Variants in IGSF21 observed in about 807,000 individuals in gnomAD.
IGSF21 encodes immunoglobulin superfamily member 21.
A neutral mutation model predicts 46.8 loss-of-function variants in IGSF21; 28 were observed. The observed-to-expected ratio is 0.60, with a 90% confidence interval of 0.44 to 0.82. The LOEUF (loss-of-function observed/expected upper bound fraction) is 0.82, where lower values mean the gene tolerates loss of function less well. IGSF21 is among the 40% of genes least tolerant of loss of function. The pLI is 0.00. For synonymous variants in IGSF21, 284 were observed against 273.6 expected, an observed-to-expected ratio of 1.04 and a Z score of -0.38; for missense variants, 624 against 665.5, an observed-to-expected ratio of 0.94 and a Z score of 0.69.
chr1:18,298,720 A>G (rs556971082), intron 3 of IGSF21, among the ~76,000 whole-genome samples: 13 of 152,236 alleles, frequency 8.5e-5, no homozygotes, highest in African/African-American at 3.1e-4. Context: ...ATCGGTTCAC[A>G]TGTACACTCA....
intron 1 of IGSF21, among the ~76,000 whole-genome samples, chr1:18,136,811 G>A (rs1231309189): frequency 6.6e-6 from 1 of 152,194 alleles, no homozygotes. Flanking sequence ...TTGGTAGCTT[G>A]ATGGGGATGG....
intron 5 of IGSF21, among the ~76,000 whole-genome samples, chr1:18,364,161 A>G (rs2086134052): frequency 6.6e-6 from 1 of 152,120 alleles, no homozygotes; most frequent in South Asian, 2.1e-4. Context: ...ATGCAAAAGA[A>G]CCTCATCTCC....
chr1:18,367,488 C>T (rs988176490), intron 6 of IGSF21, among the ~76,000 whole-genome samples: 3 of 151,980 alleles, frequency 2.0e-5, no homozygotes, highest in African/African-American at 4.8e-5. Flanking sequence ...CTTCTTCACT[C>T]ACTACCATGC....
chr1:18,132,837 C>T (rs2124418034), intron 1 of IGSF21, among the ~76,000 whole-genome samples: 1 of 150,460 alleles, frequency 6.6e-6, no homozygotes, highest in African/African-American at 2.4e-5. Flanking sequence ...GGCAAGCCTC[C>T]TAGCATCTCC....
intron 4 of IGSF21, among the ~76,000 whole-genome samples, chr1:18,359,930 G>A (rs537671001): frequency 2.6e-5 from 4 of 152,330 alleles, no homozygotes; most frequent in African/African-American, 9.6e-5. Context: ...TCTGGAGTCA[G>A]ACTGCCTGAG....
At chr1:18,204,315 A>AGACTTCAGAGCCTGTGCTCGC (rs1460598617) in intron 1 of IGSF21, among the ~76,000 whole-genome samples, 1 of 152,248 alleles carries the variant, frequency 6.6e-6, no homozygotes, top group Non-Finnish European at 1.5e-5. Flanking sequence ...ACAGGGACTC[A>AGACTTCAGAGCCTGTGCTCGC]GACTTCAGAG....
chr1:18,246,077 G>C (rs993649428), intron 2 of IGSF21, among the ~76,000 whole-genome samples: 2 of 152,144 alleles, frequency 1.3e-5, no homozygotes, highest in Non-Finnish European at 1.5e-5. Context: ...CTTGCATCTG[G>C]GACTTGCTGC....
intron 2 of IGSF21, among the ~76,000 whole-genome samples, chr1:18,230,683 C>A (rs1260822453): frequency 6.6e-6 from 1 of 152,064 alleles, no homozygotes; most frequent in African/African-American, 2.4e-5. Context: ...TTGCTTTCTG[C>A]CACTCTAGCT....
chr1:18,117,946 G>A (rs1019994476), intron 1 of IGSF21, among the ~76,000 whole-genome samples: 1 of 152,168 alleles, frequency 6.6e-6, no homozygotes, highest in Non-Finnish European at 1.5e-5. Context: ...CTCCTTCAAT[G>A]TCAGGGACCT....
intron 1 of IGSF21, chr1:18,111,058 A>G (rs2086139136): frequency 6.6e-6 from 1 of 152,362 alleles, no homozygotes; most frequent in South Asian, 2.1e-4. Flanking sequence ...TGTCTCCGCT[A>G]GGCCGCCGCA....
rs1016199836 is a variant in IGSF21 at position 18,290,330 on chromosome 1, C to A, written c.184-1536C>A. ...AAGCCCTCAGAGGGGAAGAAAGTGA[C>A]GCGTGTACATGTCGCTAAGTCCCGA... On this transcript the variant is annotated intron_variant, in intron 2 of 9. Coordinates refer to ENST00000251296, the MANE Select transcript of IGSF21 (RefSeq NM_032880.5). This position sits in a 1 kb window ranked among gnomAD's most constrained non-coding sequence, Gnocchi z 4.2. Among the ~76,000 whole-genome samples, 11 of 152,100 alleles carry A rather than the reference C, an allele frequency of 7.2e-5. No individual in the cohort carries two copies. Among genetic ancestry groups the A allele is most frequent in the African/African-American group, 2.4e-4 (10 of 41,406 alleles).
chr1:18,154,857 G>C, intron 1 of IGSF21, among the ~76,000 whole-genome samples: 1 of 151,644 alleles, frequency 6.6e-6, no homozygotes, highest in Admixed American at 6.6e-5. Flanking sequence ...CCCTAGAGGA[G>C]GGGTTCCTTG....
chr1:18,340,939 C>T (rs944385655), intron 4 of IGSF21, among the ~76,000 whole-genome samples: 6 of 151,710 alleles, frequency 4.0e-5, no homozygotes, highest in African/African-American at 1.5e-4. Context: ...TCCTCCTCTT[C>T]TCCGTCCTCC....
intron 3 of IGSF21, among the ~76,000 whole-genome samples, chr1:18,305,595 A>G (rs932708754): frequency 1.3e-5 from 2 of 148,280 alleles, no homozygotes; most frequent in African/African-American, 4.9e-5. Context: ...GGATGGATGG[A>G]TGATGGATAG....
chr1:18,248,569 T>C (rs1328199303), intron 2 of IGSF21, among the ~76,000 whole-genome samples: 1 of 152,130 alleles, frequency 6.6e-6, no homozygotes, highest in East Asian at 1.9e-4. Flanking sequence ...GAGAGATTCA[T>C]TCAATGTGTT....
intron 4 of IGSF21, among the ~76,000 whole-genome samples, chr1:18,353,087 G>T (rs1335592919): frequency 6.6e-6 from 1 of 152,062 alleles, no homozygotes; most frequent in Non-Finnish European, 1.5e-5. Context: ...AAGCACAGAC[G>T]CAGCGTTTAT....
chr1:18,373,649 G>A (rs1180333818), intron 6 of IGSF21, among the ~76,000 whole-genome samples: 1 of 152,108 alleles, frequency 6.6e-6, no homozygotes, highest in Admixed American at 6.5e-5. Context: ...CAGGAGCCGG[G>A]GTGCCCTGGG....
At chr1:18,169,663 T>A (rs1268144913) in intron 1 of IGSF21, among the ~76,000 whole-genome samples, 2 of 152,194 alleles carry the variant, frequency 1.3e-5, no homozygotes, top group Non-Finnish European at 2.9e-5. Context: ...GGCAGTCAGA[T>A]GCGCCTGATT....
chr1:18,367,591 C>T (rs1278552570), intron 6 of IGSF21, among the ~76,000 whole-genome samples: 2 of 110,852 alleles, frequency 1.8e-5, no homozygotes, highest in Non-Finnish European at 3.8e-5. Flanking sequence ...CTTTGATATT[C>T]TCTCTCTCTC....
Sources: allele counts gnomAD v4.1 joint callset (sites outside exome capture counted in the v4.1 genomes callset), GRCh38; gene constraint gnomAD v4.1.1; non-coding constraint Gnocchi (gnomAD v3.1); transcripts MANE v1.5; gene names NCBI Gene and HGNC (gene_info 2026-07-23, HGNC 2026-07-21).